Variants in DARS1 observed in about 807,000 individuals in gnomAD.
DARS1 encodes the protein aspartate--tRNA ligase, cytoplasmic.
In DARS1, 51 loss-of-function variants were observed where a neutral mutation model predicts 68.8. The observed-to-expected ratio is 0.74, with a 90% CI of 0.59 to 0.94. The LOEUF is 0.94. Among genes scored for constraint, DARS1 ranks in the 40% least tolerant of loss-of-function variants. DARS1 has a pLI of 0.00. For synonymous variants in DARS1, 203 were observed against 190.4 expected (o/e 1.07, Z -0.55); for missense variants, 607 against 597.3 (o/e 1.02, Z -0.17).
chr2:135,951,860 AT>A (rs1223701353), intron 4 of DARS1, among the ~76,000 whole-genome samples: 4 of 152,056 alleles, frequency 2.6e-5, no homozygotes, highest in Non-Finnish European at 5.9e-5. Flanking sequence ...CAAACTGCAC[AT>A]TTTTTTCAAG....
At chr2:135,923,579 C>T (rs567606193) in intron 8 of DARS1, among the ~76,000 whole-genome samples, 2 of 152,282 alleles carry the variant, frequency 1.3e-5, no homozygotes, top group South Asian at 2.1e-4. Flanking sequence ...TGAGCCACTG[C>T]GCCCAGCCTG....
chr2:135,973,216 A>AT (rs1436453641), intron 3 of DARS1, among the ~76,000 whole-genome samples: 4 of 152,228 alleles, frequency 2.6e-5, no homozygotes, highest in African/African-American at 9.6e-5. Flanking sequence ...TGTGCTACAT[A>AT]TACACAATGG....
rs1427564617 is a variant in DARS1, at chr2:135,919,597, C to T, written c.959+856G>A. Among the ~76,000 whole-genome samples, 4 of 152,132 alleles carry T rather than the reference C, an allele frequency of 2.6e-5. 1 individual carries two copies. Among genetic ancestry groups the T allele is most frequent in the Non-Finnish European group, 5.9e-5 (4 of 68,024 alleles). On this transcript the variant is annotated intron_variant, in intron 10 of 15. Transcript: ENST00000264161. ...ATAGAGACTTTCTTAATCAACTTGA[C>T]TCGGTTCTATTTTCTTTTCCTATTT...
chr2:135,978,142 CAAAA>C (rs59505882), intron 3 of DARS1, among the ~76,000 whole-genome samples: 2 of 54,734 alleles, frequency 3.7e-5, no homozygotes, highest in Non-Finnish European at 7.0e-5. Context: ...GACTCTGTCT[CAAAA>C]AAAAAAAAAA....
Position 135,920,685 on chromosome 2 carries a change from T to C in DARS1, c.812-85A>G, listed in dbSNP as rs1575385472. ...GATTTAAATACAAACTTTTATTTAGTTGGATTCCAGTGGTATTATTTTCAT... is the reference window on the plus strand; with the variant it reads ...GATTTAAATACAAACTTTTATTTAGCTGGATTCCAGTGGTATTATTTTCAT... On this transcript the variant is annotated intron_variant, in intron 9 of 15. Coordinates refer to ENST00000264161, the MANE Select transcript of DARS1 (RefSeq NM_001349.4). 6 of 1,443,074 alleles carry C rather than the reference T, an allele frequency of 4.2e-6. No homozygotes were observed. In the East Asian group the frequency reaches 1.2e-4, roughly 30 times the overall value. 89.4% of individuals were successfully genotyped at this position (1,443,074 alleles called of 1,614,324 possible).
intron 5 of DARS1, 38 bp downstream of exon 5, chr2:135,943,340 T>C: frequency 6.3e-7 from 1 of 1,594,326 alleles, no homozygotes; most frequent in Admixed American, 1.8e-5. Context: ...AACCCAAATC[T>C]ATTTCTATAT....
chr2:135,913,538 C>T (rs1680941173), intron 12 of DARS1, among the ~76,000 whole-genome samples: 1 of 152,056 alleles, frequency 6.6e-6, no homozygotes, highest in South Asian at 2.1e-4. Flanking sequence ...AGGTGAATCA[C>T]CTGAGGTCAG....
At chr2:135,920,378 AATTGAAGAATT>A (rs1243729701) in intron 10 of DARS1, 64 bp downstream of exon 10, 1 of 1,500,122 alleles carries the variant, frequency 6.7e-7, no homozygotes, top group Non-Finnish European at 8.9e-7. Context: ...TGTATGTTTA[AATTGAAGAATT>A]TTTTTTTTAA....
At chr2:135,948,081 C>A (rs1255442299) in intron 4 of DARS1, among the ~76,000 whole-genome samples, 6 of 152,138 alleles carry the variant, frequency 3.9e-5, no homozygotes, top group Non-Finnish European at 8.8e-5. Context: ...AGATTTTAGA[C>A]CCGTTTTTTT....
chr2:135,957,908 T>C (rs538028046), intron 4 of DARS1, among the ~76,000 whole-genome samples: 2 of 152,312 alleles, frequency 1.3e-5, no homozygotes, highest in East Asian at 3.9e-4. Context: ...TTCAAATTAA[T>C]AAGTAATATT....
chr2:135,979,140 C>T, intron 3 of DARS1, 134 bp downstream of exon 3: 1 of 620,860 alleles, frequency 1.6e-6, no homozygotes, highest in Non-Finnish European at 2.9e-6. Context: ...TAATACTTTA[C>T]AGTGACTTTT....
Position 135,945,285 on chromosome 2 carries a change from G to A in DARS1, c.321-1805C>T, listed in dbSNP as rs1248186714. 2.0e-5 allele frequency among the ~76,000 whole-genome samples: 3 copies of A among 152,172 alleles called. 1 individual carries two copies. Among genetic ancestry groups the A allele is most frequent in the Admixed American group, 2.0e-4 (3 of 15,290 alleles). On this transcript the variant is annotated intron_variant, in intron 4 of 15. Coordinates refer to ENST00000264161, the MANE Select transcript of DARS1 (RefSeq NM_001349.4). ...TGGGATTACAGGCATGTGCCACCAT[G>A]CCTGGCTAATTTTTGTATGTTTAGC...
chr2:135,952,159 G>A (rs892387279), intron 4 of DARS1, among the ~76,000 whole-genome samples: 1 of 152,172 alleles, frequency 6.6e-6, no homozygotes, highest in African/African-American at 2.4e-5. Flanking sequence ...CAGGAGAATC[G>A]CTTGAACCTG....
intron 4 of DARS1, among the ~76,000 whole-genome samples, chr2:135,960,135 G>A (rs1682068757): frequency 6.6e-6 from 1 of 152,106 alleles, no homozygotes. Flanking sequence ...ACCAGGAGAC[G>A]AAACAAGCAA....
At position 135,955,705 on chromosome 2, in the gene DARS1, T is replaced by TA. The variant is rs553961557; in HGVS notation, c.320+5690dup. On this transcript the variant is annotated intron_variant, in intron 4 of 15. Transcript: ENST00000264161. ...TTTTTTTTTTTTTTTTTTTTTTTTT[T>TA]AGACAGGGTCTCGCTCTGTCACACA... Among the ~76,000 whole-genome samples the TA allele has an allele frequency of 9.2e-3, 1,135 of 123,378 alleles. 55 individuals are homozygous for TA. The highest frequency in any genetic ancestry group is 0.02 in the Middle Eastern group (4 of 202). 80.9% of individuals were successfully genotyped at this position (123,378 alleles called of 152,430 possible). A position where few individuals can be genotyped will look rare whatever the true frequency, so the allele number is the denominator to read the frequency against.
intron 3 of DARS1, among the ~76,000 whole-genome samples, chr2:135,967,694 A>G (rs1478150900): frequency 6.6e-6 from 1 of 152,100 alleles, no homozygotes; most frequent in Admixed American, 6.5e-5. Context: ...TTTTTGCATT[A>G]TAGGATTCTA....
At chr2:135,960,669 A>G (rs1366227158) in intron 4 of DARS1, among the ~76,000 whole-genome samples, 1 of 152,222 alleles carries the variant, frequency 6.6e-6, no homozygotes, top group Non-Finnish European at 1.5e-5. Context: ...TTATCATGGA[A>G]ATAAAATTCT....
At chr2:135,936,770 TA>T (rs1681480071) in intron 5 of DARS1, among the ~76,000 whole-genome samples, 1 of 152,084 alleles carries the variant, frequency 6.6e-6, no homozygotes, top group Non-Finnish European at 1.5e-5. Context: ...ATTAGGTCAG[TA>T]AAAATTACAA....
intron 5 of DARS1, among the ~76,000 whole-genome samples, chr2:135,936,688 C>G (rs906727967): frequency 2.0e-5 from 3 of 152,150 alleles, no homozygotes; most frequent in South Asian, 2.1e-4. Flanking sequence ...TTTGTCTTTA[C>G]TAGGTTACAA....
Sources: gnomAD v4.1 joint callset for allele counts (sites outside exome capture counted in the v4.1 genomes callset) on GRCh38, gnomAD v4.1.1 for gene constraint, MANE v1.5 for transcripts, NCBI Gene and HGNC (gene_info 2026-07-23, HGNC 2026-07-21) for gene names.